The following RHBG variants were observed in gnomAD, a reference collection of about 807,000 sequenced individuals.
RHBG encodes Rh family B glycoprotein, also known as ammonium transporter Rh type B.
A neutral mutation model predicts 40.1 loss-of-function variants in RHBG; 39 were observed. The ratio of observed to expected loss-of-function variants is 0.97; its 90% confidence interval spans 0.75 to 1.27. The LOEUF (loss-of-function observed/expected upper bound fraction) is 1.27, where lower values mean the gene tolerates loss of function less well. RHBG is among the 50% of genes most tolerant of loss of function. RHBG has a pLI of 0.00. For synonymous variants in RHBG, 237 were observed against 252.5 expected, an observed-to-expected ratio of 0.94 and a Z score of 0.58; for missense variants, 549 against 588.1, an observed-to-expected ratio of 0.93 and a Z score of 0.69.
chr1:156,382,389 C>A, intron 7 of RHBG, 188 bp downstream of exon 7: 1 of 746,024 alleles, frequency 1.3e-6, no homozygotes, highest in Non-Finnish European at 2.2e-6. Flanking sequence ...TCAAGTGCAG[C>A]AGAAGGTCAT....
chr1:156,374,136 G>T (rs1667029294), intron 1 of RHBG, among the ~76,000 whole-genome samples: 2 of 152,124 alleles, frequency 1.3e-5, no homozygotes, highest in South Asian at 4.1e-4. Flanking sequence ...GGCTGCATTA[G>T]ACTCTTATAG....
rs1667931578 is a variant in RHBG, at chr1:156,384,762, A to G, written c.1309-15A>G. Reference sequence around the variant, plus strand: ...TGGAGCTACCCTTTCACCTCTACCCACTCCTGCCTTCCAGGTGCCTGGCGA... The same window carrying G: ...TGGAGCTACCCTTTCACCTCTACCCGCTCCTGCCTTCCAGGTGCCTGGCGA... On this transcript the variant is annotated splice_polypyrimidine_tract_variant and intron_variant, in intron 9 of 9. Coordinates refer to ENST00000537040, the MANE Select transcript of RHBG (RefSeq NM_020407.5). 1 of 1,611,530 alleles carries G rather than the reference A, an allele frequency of 6.2e-7. No individual in the cohort carries two copies. The highest frequency in any genetic ancestry group is 2.2e-5 in the East Asian group (1 of 44,788).
At chr1:156,379,964 G>C (rs1667502086) in intron 4 of RHBG, among the ~76,000 whole-genome samples, 1 of 152,126 alleles carries the variant, frequency 6.6e-6, no homozygotes, top group African/African-American at 2.4e-5. Flanking sequence ...TCAGTACTCA[G>C]CAAACAGAGG....
intron 4 of RHBG, among the ~76,000 whole-genome samples, chr1:156,378,850 G>A (rs1667416790): frequency 6.6e-6 from 1 of 152,148 alleles, no homozygotes. Flanking sequence ...GCCTCCTAAG[G>A]ATATTTCCTC....
chr1:156,381,715 A>G, intron 5 of RHBG, 91 bp from the exon 6 acceptor site: 1 of 1,498,968 alleles, frequency 6.7e-7, no homozygotes, highest in East Asian at 2.3e-5. Flanking sequence ...AGGGACTTCC[A>G]GAAGCAGTAG....
rs533798424 is a variant in RHBG at position 156,377,600 on chromosome 1, C to T, written c.374+113C>T. ...CTGCTTCCTGACTCACGATTCTGGGCGTCACTTGGTTTCTCTAGGTGTCCT... is the reference window on the plus strand; with the variant it reads ...CTGCTTCCTGACTCACGATTCTGGGTGTCACTTGGTTTCTCTAGGTGTCCT... On this transcript the variant is annotated intron_variant, in intron 2 of 9. Transcript: ENST00000537040. This position sits in a 1 kb window ranked among gnomAD's most constrained non-coding sequence, Gnocchi z 4.6. 1.5e-5 allele frequency: 17 copies of T among 1,167,570 alleles called. No individual in the cohort carries two copies. Among genetic ancestry groups the T allele is most frequent in the East Asian group, 2.5e-5 (1 of 39,938 alleles). The allele number at this position is 1,167,570 out of a possible 1,614,324, so 72.3% of individuals were successfully genotyped here. A position where few individuals can be genotyped will look rare whatever the true frequency, so the allele number is the denominator to read the frequency against.
In RHBG at chr1:156,378,347, G is replaced by A; in HGVS notation, c.621G>A (p.Lys207=). Residue 207 remains lysine (K), a synonymous_variant, in exon 4 of 10, where the codon AAG becomes AAA. Coordinates refer to ENST00000537040, the MANE Select transcript of RHBG (RefSeq NM_020407.5). The stretch of plus-strand genomic sequence containing the variant: ...TTCTGTACAGGCCCCAGCTGGAGAA[G>A]AGCAAGCACCGCCAGGGCTCCGTCT... ...SRVLYRPQLE[K]SKHRQGSVYH... The A allele has an allele frequency of 2.5e-6, 4 of 1,613,442 alleles. No individual in the cohort carries two copies. Among genetic ancestry groups the A allele is most frequent in the Non-Finnish European group, 3.4e-6 (4 of 1,179,686 alleles).
rs1309731898 is a variant in RHBG at position 156,369,408 on chromosome 1, G to A, written c.159G>A (p.Ala53=). The change falls in exon 1 of 10, where the codon GCG becomes GCA. Residue 53 remains alanine (A), a synonymous_variant. Transcript: ENST00000537040. ...ALWHRSNHSN[A]DNEFYFRYPS... ...GGCACCGGAGCAACCACAGTAACGC[G>A]GACAATGAATTTTACTTTCGCTACC... 4 of 1,613,292 alleles carry A rather than the reference G, an allele frequency of 2.5e-6. No individual in the cohort carries two copies. Among genetic ancestry groups the A allele is most frequent in the African/African-American group, 1.3e-5 (1 of 74,882 alleles).
At chr1:156,375,888 T>C (rs1443092854) in intron 1 of RHBG, among the ~76,000 whole-genome samples, 1 of 151,916 alleles carries the variant, frequency 6.6e-6, no homozygotes, top group Non-Finnish European at 1.5e-5. Context: ...TACAGGCACA[T>C]GCCACCATGC....
At chr1:156,384,680 T>C in intron 9 of RHBG, 80 bp downstream of exon 9, 1 of 1,541,938 alleles carries the variant, frequency 6.5e-7, no homozygotes, top group Non-Finnish European at 8.9e-7. Flanking sequence ...GCCTTCTTCC[T>C]TCCTTGCTGC....
At chr1:156,384,634 T>G in intron 9 of RHBG, 34 bp downstream of exon 9, 1 of 1,555,762 alleles carries the variant, frequency 6.4e-7, no homozygotes, top group Non-Finnish European at 8.7e-7. Context: ...ACCCTCTGAG[T>G]CTCCCTTCCC....
intron 1 of RHBG, among the ~76,000 whole-genome samples, chr1:156,370,622 A>G (rs1193904616): frequency 1.2e-4 from 15 of 128,848 alleles, no homozygotes; most frequent in Admixed American, 3.8e-4. Context: ...CTCAAAAAAA[A>G]AAAAAAAAAA....
intron 1 of RHBG, among the ~76,000 whole-genome samples, chr1:156,370,744 C>T (rs1023398599): frequency 1.3e-5 from 2 of 151,692 alleles, no homozygotes; most frequent in African/African-American, 4.8e-5. Flanking sequence ...GAAGGAGAAG[C>T]TGAGTCTCAG....
intron 6 of RHBG, 41 bp from the exon 7 acceptor site, chr1:156,382,027 G>A (rs780293488): frequency 6.2e-7 from 1 of 1,610,166 alleles, no homozygotes; most frequent in Admixed American, 1.7e-5. Flanking sequence ...GAGGTGGTGG[G>A]GAGTGGGCAC....
chr1:156,381,396 A>G lies in RHBG; in HGVS notation c.723A>G (p.Thr241=), dbSNP rs1667623217. Residue 241 remains threonine (T), a synonymous_variant, in exon 5 of 10, where the codon ACA becomes ACG. Coordinates refer to ENST00000537040, the MANE Select transcript of RHBG (RefSeq NM_020407.5). ...IFWPSFNAAL[T]ALGAGQHRTA... is the part of the protein sequence containing the mutation. The stretch of plus-strand genomic sequence containing the variant: ...GGCCTAGCTTCAATGCTGCACTCAC[A>G]GCGCTGGGGGCTGGGCAGCATCGGA... The G allele has an allele frequency of 1.2e-6, 2 of 1,614,060 alleles. No homozygotes were observed. Among genetic ancestry groups the G allele is most frequent in the Non-Finnish European group, 1.7e-6 (2 of 1,180,052 alleles).
chr1:156,383,984 C>T (rs187627178), intron 8 of RHBG, among the ~76,000 whole-genome samples: 29 of 152,096 alleles, frequency 1.9e-4, no homozygotes, highest in Non-Finnish European at 2.8e-4. Flanking sequence ...CAGGCGACCC[C>T]CACCACACCC....
chr1:156,384,774 C>T lies in RHBG; in HGVS notation c.1309-3C>T. ...TTCACCTCTACCCACTCCTGCCTTC[C>T]AGGTGCCTGGCGAGCATGAGGATAA... On this transcript the variant is annotated splice_polypyrimidine_tract_variant and splice_region_variant and intron_variant, in intron 9 of 9. Transcript: ENST00000537040. The T allele has an allele frequency of 6.2e-7, 1 of 1,614,006 alleles. No individual in the cohort carries two copies. The highest frequency in any genetic ancestry group is 1.1e-5 in the South Asian group (1 of 91,066).
intron 8 of RHBG, among the ~76,000 whole-genome samples, chr1:156,383,358 CCT>C (rs902255905): frequency 5.9e-5 from 9 of 152,334 alleles, no homozygotes; most frequent in African/African-American, 2.2e-4. Context: ...TTCAGCATCC[CCT>C]CTGTCTCCCG....
In RHBG at chr1:156,381,438, C is replaced by G. The variant is rs778682451; in HGVS notation, c.765C>G (p.Tyr255Ter). The stretch of plus-strand genomic sequence containing the variant: ...AGCATCGGACGGCCCTCAACACATA[C>G]TACTCCCTGGCTGCCAGCACCCTTG... ...AGQHRTALNTYYSLAASTLGT... is the reference protein window; with the variant it reads ...AGQHRTALNT The change falls in exon 5 of 10, where the codon TAC becomes TAG. Residue 255 changes from tyrosine to a stop codon, truncating the protein, a stop_gained. Coordinates refer to ENST00000537040, the MANE Select transcript of RHBG (RefSeq NM_020407.5). LOFTEE classifies it high-confidence loss of function. 3.1e-6 allele frequency: 5 copies of G among 1,614,134 alleles called. No individual in the cohort carries two copies. The highest frequency in any genetic ancestry group is 1.6e-4 in the Middle Eastern group (1 of 6,062).
Sources: gnomAD v4.1 joint callset for allele counts (sites outside exome capture counted in the v4.1 genomes callset) on GRCh38, gnomAD v4.1.1 for gene constraint, Gnocchi (gnomAD v3.1) non-coding constraint, MANE v1.5 for transcripts, NCBI Gene and HGNC (gene_info 2026-07-23, HGNC 2026-07-21) for gene names.